LRGUK: variants seen among roughly 807,000 people sequenced by gnomAD.
The protein encoded by LRGUK is leucine-rich repeat and guanylate kinase domain-containing protein.
Under a neutral mutation model 76.0 loss-of-function variants are expected in LRGUK, and 65 were observed. That is an observed-to-expected ratio of 0.85 (90% CI 0.70 to 1.05). The LOEUF (loss-of-function observed/expected upper bound fraction) is 1.05, where lower values mean the gene tolerates loss of function less well. LRGUK is among the 50% of genes least tolerant of loss of function. LRGUK has a pLI of 0.00. For synonymous variants in LRGUK, 268 were observed against 265.6 expected (o/e 1.01, Z -0.09); for missense variants, 758 against 732.8 (o/e 1.03, Z -0.40).
intron 16 of LRGUK, among the ~76,000 whole-genome samples, chr7:134,239,305 G>A (rs1390722479): frequency 2.0e-5 from 3 of 152,194 alleles, no homozygotes; most frequent in Non-Finnish European, 2.9e-5. Context: ...CCTAGCAAAG[G>A]GAAGCCATGA....
At chr7:134,259,340 C>G (rs189271838) in intron 19 of LRGUK, among the ~76,000 whole-genome samples, 4 of 152,136 alleles carry the variant, frequency 2.6e-5, no homozygotes, top group African/African-American at 9.6e-5. Flanking sequence ...AGAGAATAAT[C>G]TGGGTGTCAA....
Position 134,139,419 on chromosome 7 carries a change from A to T in LRGUK, c.406-17A>T. On this transcript the variant is annotated splice_polypyrimidine_tract_variant and intron_variant, in intron 2 of 15. Transcript: ENST00000645682. ...TGATAAAGCAACATTAAAGTCTTTT[A>T]CCTTTTGTTTTCTCAGGGTTGTAAT... 1 of 1,549,066 alleles carries T rather than the reference A, an allele frequency of 6.5e-7. No individual in the cohort carries two copies. Among genetic ancestry groups the T allele is most frequent in the Non-Finnish European group, 8.9e-7 (1 of 1,122,820 alleles).
chr7:134,146,798 G>A (rs1797988082), intron 4 of LRGUK, among the ~76,000 whole-genome samples: 1 of 152,038 alleles, frequency 6.6e-6, no homozygotes, highest in African/African-American at 2.4e-5. Flanking sequence ...CATAAATTTG[G>A]GGGGTGAAAT....
chr7:134,137,199 A>C, intron 2 of LRGUK, 69 bp downstream of exon 2: 1 of 1,142,022 alleles, frequency 8.8e-7, no homozygotes. Flanking sequence ...CATTTTCTTC[A>C]GTACTCTTAG....
chr7:134,271,123 C>T, the LRGUK span, among the ~76,000 whole-genome samples: 5 of 151,798 alleles, frequency 3.3e-5, no homozygotes, highest in African/African-American at 1.2e-4. Flanking sequence ...CTGTGAATTG[C>T]CTGTTTATAT....
intron 18 of LRGUK, among the ~76,000 whole-genome samples, chr7:134,257,813 A>C (rs2598271): frequency 0.074 from 11,244 of 151,900 alleles, 1,020 homozygotes; most frequent in African/African-American, 0.21. Flanking sequence ...CCAAAAACAA[A>C]AAAAAAAAGG....
chr7:134,171,606 G>T (rs1410000293), intron 7 of LRGUK, among the ~76,000 whole-genome samples: 2 of 152,072 alleles, frequency 1.3e-5, no homozygotes, highest in African/African-American at 2.4e-5. Flanking sequence ...CTTTGGGGAT[G>T]GGGGTGTGGA....
chr7:134,204,613 A>G (rs1385278795), intron 15 of LRGUK, among the ~76,000 whole-genome samples: 3 of 152,218 alleles, frequency 2.0e-5, no homozygotes, highest in African/African-American at 7.2e-5. Context: ...TATCTAGACA[A>G]TTAATTTGCT....
chr7:134,240,201 ATGACTT>A (rs1484192477), intron 16 of LRGUK, among the ~76,000 whole-genome samples: 1 of 152,230 alleles, frequency 6.6e-6, no homozygotes, highest in East Asian at 1.9e-4. Context: ...TGGACGGAGA[ATGACTT>A]TGACGAGAGA....
intron 18 of LRGUK, among the ~76,000 whole-genome samples, chr7:134,257,834 A>G (rs939808145): frequency 2.6e-5 from 4 of 151,948 alleles, no homozygotes; most frequent in African/African-American, 9.7e-5. Context: ...AAGCAAAATC[A>G]CAGTCCCCAA....
intron 7 of LRGUK, 128 bp from the exon 8 acceptor site, chr7:134,174,428 A>T (rs1799396902): frequency 1.6e-6 from 1 of 628,966 alleles, no homozygotes; most frequent in Non-Finnish European, 2.8e-6. Context: ...ATTCTCATTA[A>T]AAAGCTAGAC....
intron 7 of LRGUK, among the ~76,000 whole-genome samples, chr7:134,167,120 C>T (rs1301511806): frequency 6.6e-6 from 1 of 152,184 alleles, no homozygotes; most frequent in Non-Finnish European, 1.5e-5. Context: ...ACCTGGCCAA[C>T]ATACTCCTGC....
chr7:134,142,444 T>C (rs777909692), intron 3 of LRGUK, among the ~76,000 whole-genome samples: 10 of 152,240 alleles, frequency 6.6e-5, no homozygotes, highest in Non-Finnish European at 1.5e-4. Context: ...TACTTAGTGT[T>C]CAAGATTCAA....
In LRGUK at chr7:134,132,362, T is replaced by TA. The variant is rs950492645; in HGVS notation, c.298-4651dup. Among the ~76,000 whole-genome samples the TA allele has an allele frequency of 6.4e-4, 93 of 145,218 alleles. 1 individual carries two copies. Among genetic ancestry groups the TA allele is most frequent in the East Asian group, 1.8e-3 (9 of 5,032 alleles). ...AGAGAAAGACCTTGTCTCAAAAAAA[T>TA]AAAAAAAAAAGAAGATGGGAATGGG... is the stretch of plus-strand genomic sequence containing the variant. On this transcript the variant is annotated intron_variant, in intron 1 of 15. Coordinates refer to ENST00000645682, the Ensembl canonical transcript of LRGUK.
Position 134,209,186 on chromosome 7 carries a change from G to T in LRGUK, c.2323G>T (p.Glu775Ter). ...CAGCCCTCAGCCAGGCCAGGACAAG[G>T]AGTCAGGGGAGGCCCAGGTAACCCC... The change falls in exon 16 of 16, where the codon GAG becomes TAG. Residue 775 changes from glutamate to a stop codon, truncating the protein, a stop_gained. Transcript: ENST00000645682. LOFTEE classifies it low-confidence loss of function (END_TRUNC). The T allele has an allele frequency of 2.5e-6, 1 of 399,250 alleles. No homozygotes were observed. The allele number at this position is 399,250 out of a possible 1,614,324, so 24.7% of individuals were successfully genotyped here.
In LRGUK at chr7:134,127,674, C is replaced by A. The variant is rs775645710; in HGVS notation, c.297+10C>A. The stretch of plus-strand genomic sequence containing the variant: ...AATGCTGAATTTGGAGGTGTGTCTT[C>A]CCCCCCACCCCGTACTCCCTGGCTC... On this transcript the variant is annotated intron_variant, in intron 1 of 15. Coordinates refer to ENST00000645682, the Ensembl canonical transcript of LRGUK. 3 of 1,601,688 alleles carry A rather than the reference C, an allele frequency of 1.9e-6. No individual in the cohort carries two copies. Among genetic ancestry groups the A allele is most frequent in the Non-Finnish European group, 2.6e-6 (3 of 1,173,344 alleles).
At chr7:134,247,071 A>C (rs1802320723) in intron 16 of LRGUK, among the ~76,000 whole-genome samples, 1 of 152,226 alleles carries the variant, frequency 6.6e-6, no homozygotes, top group Admixed American at 6.5e-5. Flanking sequence ...TTAAATGCTT[A>C]CTAAAGAATG....
At chr7:134,130,173 G>A (rs982712945) in intron 1 of LRGUK, among the ~76,000 whole-genome samples, 9 of 151,844 alleles carry the variant, frequency 5.9e-5, no homozygotes, top group Non-Finnish European at 1.0e-4. Context: ...TATTCTATTC[G>A]TTATTACTTC....
At chr7:134,155,033 G>A (rs1342091531) in intron 5 of LRGUK, among the ~76,000 whole-genome samples, 2 of 152,164 alleles carry the variant, frequency 1.3e-5, no homozygotes. Flanking sequence ...ATTCTGCCAT[G>A]ATTCAGAGTA....
Sources: allele counts gnomAD v4.1 joint callset (sites outside exome capture counted in the v4.1 genomes callset), GRCh38; gene constraint gnomAD v4.1.1; transcripts MANE v1.5; gene names NCBI Gene and HGNC (gene_info 2026-07-23, HGNC 2026-07-21).